Variants in TIAM1 observed in about 807,000 individuals in gnomAD.
TIAM1 encodes TIAM Rac1 associated GEF 1.
TIAM1 carries 65 observed loss-of-function variants against 163.5 expected under a neutral mutation model. That is an observed-to-expected ratio of 0.40 (90% confidence interval 0.33 to 0.49). The LOEUF is 0.49. Ranked by LOEUF, TIAM1 falls within the 20% of genes least tolerant of loss-of-function variation. The pLI is 0.77. For synonymous variants in TIAM1, 833 were observed against 810.1 expected (o/e 1.03, Z -0.48); for missense variants, 1,789 against 2,044.7 (o/e 0.87, Z 2.41).
At chr21:31,212,169 A>G (rs2086916782) in intron 10 of TIAM1, among the ~76,000 whole-genome samples, 1 of 152,066 alleles carries the variant, frequency 6.6e-6, no homozygotes. Flanking sequence ...ATCATTCATG[A>G]GTAGTTTGTG....
chr21:31,261,804 C>A (rs138709411), intron 4 of TIAM1, among the ~76,000 whole-genome samples: 186 of 152,280 alleles, frequency 1.2e-3, no homozygotes, highest in African/African-American at 4.3e-3. Flanking sequence ...CTGAAACTGG[C>A]CAGTGAAACC....
chr21:31,307,061 A>G (rs1441454613), intron 2 of TIAM1, among the ~76,000 whole-genome samples: 3 of 152,218 alleles, frequency 2.0e-5, no homozygotes, highest in Non-Finnish European at 4.4e-5. Context: ...AACAAAAACA[A>G]AATCTCAAAC....
intron 6 of TIAM1, among the ~76,000 whole-genome samples, chr21:31,228,243 AAAAAAAAAAAAAAAAAG>A (rs2088150635): frequency 1.9e-5 from 1 of 51,774 alleles, no homozygotes; most frequent in East Asian, 8.3e-4. Context: ...AAAAAAAAAA[AAAAAAAAAAAAAAAAAG>A]GAAGGAAAAA....
chr21:31,284,271 T>C (rs1484206625), intron 2 of TIAM1, among the ~76,000 whole-genome samples: 1 of 152,126 alleles, frequency 6.6e-6, no homozygotes, highest in Non-Finnish European at 1.5e-5. Flanking sequence ...CTCAAGAACA[T>C]ATCAACACCT....
At chr21:31,244,667 G>A (rs1252391406) in intron 6 of TIAM1, among the ~76,000 whole-genome samples, 1 of 152,224 alleles carries the variant, frequency 6.6e-6, no homozygotes, top group Admixed American at 6.5e-5. Context: ...AGAGATTGCA[G>A]GGAGCTGAGA....
chr21:31,138,136 G>A (rs1393590979), intron 22 of TIAM1, among the ~76,000 whole-genome samples: 1 of 152,008 alleles, frequency 6.6e-6, no homozygotes, highest in African/African-American at 2.4e-5. Flanking sequence ...TAAGGACTGG[G>A]ATGCCCGACT....
intron 2 of TIAM1, among the ~76,000 whole-genome samples, chr21:31,426,863 A>G (rs949761473): frequency 3.0e-4 from 46 of 152,184 alleles, no homozygotes; most frequent in African/African-American, 1.0e-3. Flanking sequence ...GGAAATTAGA[A>G]TATTTAATAA....
chr21:31,394,791 G>A (rs2077034381), intron 2 of TIAM1, among the ~76,000 whole-genome samples: 1 of 137,224 alleles, frequency 7.3e-6, no homozygotes, highest in Non-Finnish European at 1.5e-5. Context: ...GAGGAGCCAG[G>A]GCAAACACAC....
intron 2 of TIAM1, among the ~76,000 whole-genome samples, chr21:31,398,822 G>A (rs904626151): frequency 3.9e-5 from 6 of 152,220 alleles, no homozygotes; most frequent in Non-Finnish European, 7.3e-5. Context: ...GAAGAAGAAA[G>A]AGAAATGTAA....
chr21:31,535,772 G>A (rs1280470992), intron 1 of TIAM1, among the ~76,000 whole-genome samples: 1 of 152,028 alleles, frequency 6.6e-6, no homozygotes, highest in Non-Finnish European at 1.5e-5. Flanking sequence ...TGGCTGATGT[G>A]TGAGTTTGAC....
At position 31,216,186 on chromosome 21, in the gene TIAM1, A is replaced by AACAAT. The variant is rs200102130; in HGVS notation, c.2142+1366_2142+1367insATTGT. Among the ~76,000 whole-genome samples the AACAAT allele has an allele frequency of 9.4e-3, 1,424 of 152,052 alleles. 26 individuals are homozygous for AACAAT. Among genetic ancestry groups the AACAAT allele is most frequent in the African/African-American group, 0.032 (1,345 of 41,442 alleles). On this transcript the variant is annotated intron_variant, in intron 9 of 27. Transcript: ENST00000541036. ...CTCCATCACAAACAAAACAAAACAA[A>AACAAT]ACCAAAAAACCAATGAGTATCACAG...
At chr21:31,458,644 C>T (rs1313730362) in intron 2 of TIAM1, among the ~76,000 whole-genome samples, 2 of 152,116 alleles carry the variant, frequency 1.3e-5, no homozygotes, top group African/African-American at 4.8e-5. Flanking sequence ...GCACCTGCAT[C>T]CTTGGGAACC....
At chr21:31,366,178 A>G (rs1007015714) in intron 2 of TIAM1, among the ~76,000 whole-genome samples, 10 of 151,670 alleles carry the variant, frequency 6.6e-5, no homozygotes, top group African/African-American at 2.4e-4. Context: ...CATGAATACT[A>G]TGCCCTTGGC....
intron 1 of TIAM1, among the ~76,000 whole-genome samples, chr21:31,465,230 C>T (rs1395001342): frequency 6.6e-6 from 1 of 151,714 alleles, no homozygotes; most frequent in South Asian, 2.1e-4. Context: ...CTTTTCAAAG[C>T]TAATATATTC....
intron 2 of TIAM1, among the ~76,000 whole-genome samples, chr21:31,413,186 T>C (rs1225934696): frequency 2.6e-5 from 4 of 152,184 alleles, no homozygotes; most frequent in Non-Finnish European, 5.9e-5. Flanking sequence ...CCACATCCAC[T>C]AATTTGTATC....
chr21:31,359,513 G>A (rs567297363), intron 2 of TIAM1, among the ~76,000 whole-genome samples: 1 of 152,028 alleles, frequency 6.6e-6, no homozygotes. Flanking sequence ...ACAGTGAAAG[G>A]GCCGGGCATG....
At chr21:31,546,958 T>G (rs1601059043) in intron 1 of TIAM1, among the ~76,000 whole-genome samples, 2 of 151,030 alleles carry the variant, frequency 1.3e-5, no homozygotes, top group African/African-American at 4.9e-5. Context: ...CCCAAAATAG[T>G]GGGGGGGGGC....
At chr21:31,213,212 A>G in intron 10 of TIAM1, 186 bp downstream of exon 10, 1 of 538,080 alleles carries the variant, frequency 1.9e-6, no homozygotes, top group East Asian at 3.4e-5. Flanking sequence ...TGTTCCCTCT[A>G]CCACTCAGTT....
chr21:31,346,585 T>A (rs56815796), upstream of TIAM1, among the ~76,000 whole-genome samples: 4,342 of 152,242 alleles, frequency 0.029, 229 homozygotes, highest in African/African-American at 0.099. Flanking sequence ...GAAGCCGACA[T>A]GGTGTGCAGC....
Sources: gnomAD v4.1 joint callset for allele counts (sites outside exome capture counted in the v4.1 genomes callset) on GRCh38, gnomAD v4.1.1 for gene constraint, MANE v1.5 for transcripts, NCBI Gene and HGNC (gene_info 2026-07-23, HGNC 2026-07-21) for gene names.